The following BOD1L1 variants were observed in gnomAD, a reference collection of about 807,000 sequenced individuals.
BOD1L1 encodes the protein biorientation of chromosomes in cell division 1 like 1.
Under a neutral mutation model 240.7 loss-of-function variants are expected in BOD1L1, and 86 were observed. The ratio of observed to expected loss-of-function variants is 0.36; its 90% CI spans 0.30 to 0.43. BOD1L1 has a LOEUF of 0.43. Among genes scored for constraint, BOD1L1 ranks in the 20% least tolerant of loss-of-function variants. BOD1L1 has a pLI of 1.00. For missense variants in BOD1L1, 3,554 were observed against 3,643.5 expected, an observed-to-expected ratio of 0.98 and a Z score of 0.63; for synonymous variants, 1,268 against 1,272.3, an observed-to-expected ratio of 1.00 and a Z score of 0.07.
chr4:13,597,524 T>G (rs1432739461), intron 10 of BOD1L1, among the ~76,000 whole-genome samples: 4 of 152,224 alleles, frequency 2.6e-5, no homozygotes, highest in Non-Finnish European at 5.9e-5. Context: ...TAAGGTCTAT[T>G]CTCAGTAAAG....
rs981080159 is a variant in BOD1L1, at chr4:13,613,846, T to A, written c.1175-185A>T. 1.5e-4 allele frequency among the ~76,000 whole-genome samples: 23 copies of A among 152,144 alleles called. No homozygotes were observed. The highest frequency in any genetic ancestry group is 2.9e-4 in the Non-Finnish European group (20 of 68,018). On this transcript the variant is annotated intron_variant, in intron 4 of 25. Transcript: ENST00000040738. The surrounding 1 kb of genome is among the most constrained non-coding windows in gnomAD (Gnocchi z 4.0). ...ACTTCTGTAAAAATAACTAAACTATTAATTTATAATGTATGATATAATAAT... is the reference window on the plus strand; with the variant it reads ...ACTTCTGTAAAAATAACTAAACTATAAATTTATAATGTATGATATAATAAT...
Position 13,603,971 on chromosome 4 carries a change from CAGTCTCTAAT to C in BOD1L1, c.2919_2928del (p.Glu975LeufsTer19). The C allele has an allele frequency of 6.2e-7, 1 of 1,613,862 alleles. No individual in the cohort carries two copies. The highest frequency in any genetic ancestry group is 8.5e-7 in the Non-Finnish European group (1 of 1,179,860). ...TGTGTACTATGTGCTGAAGAAGAAG[CAGTCTCTAAT>C]ACAGGTTCAACACCAGTTTCTTCAA... On this transcript the variant is annotated frameshift_variant, in exon 10 of 26. Transcript: ENST00000040738. LOFTEE classifies it high-confidence loss of function.
Position 13,602,337 on chromosome 4 carries a change from A to G in BOD1L1, c.4563T>C (p.Thr1521=). 1.9e-6 allele frequency: 3 copies of G among 1,613,952 alleles called. No individual in the cohort carries two copies. Among genetic ancestry groups the G allele is most frequent in the South Asian group, 1.1e-5 (1 of 91,070 alleles). The change falls in exon 10 of 26, where the codon ACT becomes ACC. Residue 1521 remains threonine, a synonymous_variant. Coordinates refer to ENST00000040738, the MANE Select transcript of BOD1L1 (RefSeq NM_148894.3). ...AGGTGACATCTTTGTCCTTCCCTTC[A>G]GTACTAGTGGCAACAGAAGTCTTTT... ...RAEKTSVATS[T]EGKDKDVTLS...
chr4:13,580,337 C>T (rs1713124469), intron 21 of BOD1L1, among the ~76,000 whole-genome samples: 1 of 152,192 alleles, frequency 6.6e-6, no homozygotes, highest in African/African-American at 2.4e-5. Context: ...CTGCAGGCAT[C>T]ATACCACTTC....
rs1715408991 is a variant in BOD1L1, at chr4:13,603,597, G to A, written c.3303C>T (p.Ser1101=). 6.2e-7 allele frequency: 1 copy of A among 1,613,838 alleles called. No individual in the cohort carries two copies. Among genetic ancestry groups the A allele is most frequent in the African/African-American group, 1.3e-5 (1 of 74,932 alleles). Residue 1101 remains serine, a synonymous_variant, in exon 10 of 26, where the codon TCC becomes TCT. Coordinates refer to ENST00000040738, the MANE Select transcript of BOD1L1 (RefSeq NM_148894.3). ...CACCACTCTTTTTTGGTCTCTGAAG[G>A]GAGGAACCGCTGGGAGTGCTCAAAG... ...ANTLSTPSGS[S]LQRPKKSGDM...
chr4:13,616,843 A>T (rs917103172), intron 2 of BOD1L1, among the ~76,000 whole-genome samples: 9 of 152,218 alleles, frequency 5.9e-5, no homozygotes, highest in Non-Finnish European at 1.3e-4. Context: ...TTAAAAAAAA[A>T]TGCAAATCTT....
chr4:13,575,526 G>A (rs1342238372), intron 25 of BOD1L1, among the ~76,000 whole-genome samples: 1 of 151,670 alleles, frequency 6.6e-6, no homozygotes, highest in Non-Finnish European at 1.5e-5. Flanking sequence ...GACTACAGGT[G>A]CATGCCACCA....
Position 13,570,109 on chromosome 4 carries a change from G to T in BOD1L1, c.9058C>A (p.Pro3020Thr), listed in dbSNP as rs758760550. ...EAQRSKTQLS[P>T]SIKRKREVSP... ...ACTTCTCTCTTGCGCTTGATAGAAG[G>T]GGAGAGCTGTGTCTTTGATCTGCAT... is the stretch of plus-strand genomic sequence containing the variant. The change falls in exon 26 of 26, where the codon CCT becomes ACT. Residue 3020 changes from proline (P) to threonine (T), a missense_variant. By Grantham distance (38) the Pro-to-Thr change is conservative. This residue lies in a region of BOD1L1 where 3,393 missense variants were observed against 3,427.1 expected (regional missense o/e 0.99). Transcript: ENST00000040738. The T allele has an allele frequency of 1.3e-6, 2 of 1,599,284 alleles. No individual in the cohort carries two copies. Among genetic ancestry groups the T allele is most frequent in the African/African-American group, 1.4e-5 (1 of 73,864 alleles).
intron 22 of BOD1L1, among the ~76,000 whole-genome samples, chr4:13,578,607 G>A (rs1156929609): frequency 6.6e-6 from 1 of 152,090 alleles, no homozygotes; most frequent in African/African-American, 2.4e-5. Flanking sequence ...GAGTGCAGTG[G>A]TGCAATTATA....
intron 24 of BOD1L1, 23 bp from the exon 25 acceptor site, chr4:13,577,014 C>T (rs1489547839): frequency 6.2e-7 from 1 of 1,609,706 alleles, no homozygotes; most frequent in African/African-American, 1.3e-5. Flanking sequence ...AAGGGTAACA[C>T]CTGGATTTTA....
At chr4:13,592,274 A>G in intron 12 of BOD1L1, 1 of 279,936 alleles carries the variant, frequency 3.6e-6, no homozygotes, top group African/African-American at 2.2e-5. Flanking sequence ...GAAAAAAAGT[A>G]AAAGACCTTA....
At chr4:13,574,117 C>T (rs77731924) in intron 25 of BOD1L1, among the ~76,000 whole-genome samples, 22 of 152,278 alleles carry the variant, frequency 1.4e-4, no homozygotes, top group East Asian at 7.7e-4. Flanking sequence ...TTCTGAAAGT[C>T]GAACTAGAAT....
chr4:13,616,549 G>T (rs1046721019), intron 2 of BOD1L1, among the ~76,000 whole-genome samples: 1 of 152,224 alleles, frequency 6.6e-6, no homozygotes, highest in African/African-American at 2.4e-5. Context: ...TCCTAAAAAA[G>T]AAGTGGAGGA....
rs924857791 is a variant in BOD1L1 at position 13,579,409 on chromosome 4, T to C, written c.8749+519A>G. 9.2e-5 allele frequency among the ~76,000 whole-genome samples: 14 copies of C among 152,336 alleles called. No homozygotes were observed. The East Asian group carries it at 1.9e-3, about 21-fold the overall frequency. On this transcript the variant is annotated intron_variant, in intron 22 of 25. Transcript: ENST00000040738. Reference sequence around the variant, plus strand: ...ACATAGTTAAATGTGGAAACAACTATATATTACCTATTTGCTTTATTTGCT... The same window carrying C: ...ACATAGTTAAATGTGGAAACAACTACATATTACCTATTTGCTTTATTTGCT...
intron 1 of BOD1L1, chr4:13,625,273 T>C (rs1451641277): frequency 2.0e-5 from 3 of 152,210 alleles, no homozygotes; most frequent in Non-Finnish European, 2.9e-5. Context: ...AAACTGTATA[T>C]GTTATTAGAT....
In BOD1L1 at chr4:13,604,984, T is replaced by G; in HGVS notation, c.1916A>C (p.His639Pro). The G allele has an allele frequency of 6.2e-7, 1 of 1,613,622 alleles. No individual in the cohort carries two copies. The highest frequency in any genetic ancestry group is 8.5e-7 in the Non-Finnish European group (1 of 1,179,754). ...KPARRLSESL[H>P]VVDENKNESK... ...TTCATTTTTGTTTTCGTCAACTACA[T>G]GCAAAGACTCTGAAAGTCTCCGGGC... is the stretch of plus-strand genomic sequence containing the variant. Residue 639 changes from histidine (H) to proline (P), a missense_variant, in exon 10 of 26, where the codon CAT (histidine) becomes CCT (proline). Coordinates refer to ENST00000040738, the MANE Select transcript of BOD1L1 (RefSeq NM_148894.3).
At chr4:13,626,891 C>T (rs969110293) in intron 1 of BOD1L1, among the ~76,000 whole-genome samples, 1 of 152,174 alleles carries the variant, frequency 6.6e-6, no homozygotes, top group African/African-American at 2.4e-5. Context: ...GCGCTCCCAC[C>T]CCCACGATGT....
chr4:13,596,127 A>C (rs551922068), intron 11 of BOD1L1, among the ~76,000 whole-genome samples, 183 bp from the exon 12 acceptor site: 1 of 152,296 alleles, frequency 6.6e-6, no homozygotes, highest in East Asian at 1.9e-4. Flanking sequence ...GTAAAAAATC[A>C]ATTTAATCTC....
chr4:13,580,520 T>C (rs1266155891), intron 21 of BOD1L1, among the ~76,000 whole-genome samples: 1 of 152,148 alleles, frequency 6.6e-6, no homozygotes, highest in African/African-American at 2.4e-5. Flanking sequence ...TAATAATCCA[T>C]TGAAATGCAT....
Sources: gnomAD v4.1 joint callset for allele counts (sites outside exome capture counted in the v4.1 genomes callset) on GRCh38, gnomAD v4.1.1 for gene constraint, gnomAD v4.1.1 regional missense constraint, Gnocchi (gnomAD v3.1) non-coding constraint, MANE v1.5 for transcripts, NCBI Gene and HGNC (gene_info 2026-07-23, HGNC 2026-07-21) for gene names.